Variants in CTIF observed in about 807,000 individuals in gnomAD.
CTIF encodes CBP80/20-dependent translation initiation factor.
A neutral mutation model predicts 66.0 loss-of-function variants in CTIF; 21 were observed. That is an observed-to-expected ratio of 0.32 (90% CI 0.23 to 0.46). CTIF has a LOEUF of 0.46. Ranked by LOEUF, CTIF falls within the 20% of genes least tolerant of loss-of-function variation. CTIF has a pLI of 1.00. For synonymous variants in CTIF, 345 were observed against 326.4 expected (o/e 1.06, Z -0.62); for missense variants, 739 against 812.7 (o/e 0.91, Z 1.10).
intron 6 of CTIF, among the ~76,000 whole-genome samples, chr18:48,687,985 G>C (rs1339497668): frequency 2.0e-5 from 3 of 152,206 alleles, no homozygotes; most frequent in Non-Finnish European, 4.4e-5. Context: ...CCTGAAAACC[G>C]CTTGTGTAGA....
rs939516022 is a variant in CTIF at position 48,553,967 on chromosome 18, G to A, written c.-29+14655G>A. Among the ~76,000 whole-genome samples the A allele has an allele frequency of 5.9e-5, 9 of 152,066 alleles. No homozygotes were observed. The East Asian group carries it at 1.7e-3, about 29-fold the overall frequency. ...TGAGCCACAAAGTTCCTGATTCTCT[G>A]CGGCCCACTCATGACCTCAGAGCTC... On this transcript the variant is annotated intron_variant, in intron 1 of 11. Transcript: ENST00000256413.
chr18:48,616,161 G>A (rs540167999), intron 1 of CTIF, among the ~76,000 whole-genome samples: 8 of 152,316 alleles, frequency 5.3e-5, no homozygotes, highest in African/African-American at 1.9e-4. Context: ...CCGGTTCTCC[G>A]ACTGCACCTG....
intron 6 of CTIF, among the ~76,000 whole-genome samples, chr18:48,706,135 G>A (rs577227653): frequency 5.5e-4 from 83 of 152,040 alleles, no homozygotes; most frequent in Admixed American, 1.9e-3. Flanking sequence ...CCCTCCACCC[G>A]TCCCTCTCTC....
In CTIF at chr18:48,717,752, G is replaced by A. The variant is rs543353210; in HGVS notation, c.584+6057G>A. On this transcript the variant is annotated intron_variant, in intron 7 of 11. Transcript: ENST00000256413. ...CCTTCAAAATTTTTTTTAGCAACAG[G>A]GTCTTGCTCTGTCACCCAGGCTGGA... 1.4e-3 allele frequency among the ~76,000 whole-genome samples: 210 copies of A among 152,078 alleles called. 1 individual carries two copies. The highest frequency in any genetic ancestry group is 2.3e-3 in the Non-Finnish European group (158 of 67,986).
intron 6 of CTIF, among the ~76,000 whole-genome samples, chr18:48,674,536 A>T (rs2091593875): frequency 6.6e-6 from 1 of 152,222 alleles, no homozygotes; most frequent in Admixed American, 6.5e-5. Context: ...TCAGATGCTG[A>T]CACCTAGGCG....
In CTIF at chr18:48,759,781, G is replaced by A. The variant is rs185461707; in HGVS notation, c.1071+1376G>A. On this transcript the variant is annotated intron_variant, in intron 8 of 11. Transcript: ENST00000256413. The stretch of plus-strand genomic sequence containing the variant: ...TTCCTGCCCTGGGGCCCAGATGGTC[G>A]GAAGAGAGGGGTACATGGGGGAATG... Among the ~76,000 whole-genome samples the A allele has an allele frequency of 3.3e-4, 50 of 152,334 alleles. No homozygotes were observed. The East Asian group carries it at 6.4e-3, about 19-fold the overall frequency.
At chr18:48,555,111 G>T (rs962197894) in intron 1 of CTIF, among the ~76,000 whole-genome samples, 1 of 152,210 alleles carries the variant, frequency 6.6e-6, no homozygotes, top group African/African-American at 2.4e-5. Context: ...CTCCTAAAAT[G>T]GGGACACGGA....
rs180803106 is a variant in CTIF at position 48,652,644 on chromosome 18, T to G, written c.253-11108T>G. ...AACTCATTTTATAAGGCCAGCATTA[T>G]CCTGATACCAAAGCCCGGCAGAGAC... On this transcript the variant is annotated intron_variant, in intron 3 of 11. Coordinates refer to ENST00000256413, the MANE Select transcript of CTIF (RefSeq NM_014772.3). 7.2e-4 allele frequency among the ~76,000 whole-genome samples: 110 copies of G among 152,268 alleles called. 1 individual carries two copies. The highest frequency in any genetic ancestry group is 2.5e-3 in the African/African-American group (102 of 41,540).
At chr18:48,784,510 C>A (rs1911535358) in intron 9 of CTIF, among the ~76,000 whole-genome samples, 1 of 152,110 alleles carries the variant, frequency 6.6e-6, no homozygotes, top group South Asian at 2.1e-4. Flanking sequence ...CCTTTGGTCT[C>A]TGGGGCACCA....
At chr18:48,617,721 A>G (rs1401794259) in intron 1 of CTIF, among the ~76,000 whole-genome samples, 1 of 151,908 alleles carries the variant, frequency 6.6e-6, no homozygotes, top group Non-Finnish European at 1.5e-5. Context: ...ATCCCAGCTG[A>G]CTCCCTGAGG....
chr18:48,859,444 T>G lies in CTIF; in HGVS notation c.1682T>G (p.Met561Arg). 1.2e-6 allele frequency: 2 copies of G among 1,614,194 alleles called. No individual in the cohort carries two copies. Among genetic ancestry groups the G allele is most frequent in the Non-Finnish European group, 1.7e-6 (2 of 1,180,040 alleles). ...RDKMLCPSES[M>R]LTRSLLLEVI... ...AAGATGCTGTGCCCCTCGGAGTCCA[T>G]GCTGACCCGGTCGCTGCTCCTAGAG... The change falls in exon 12 of 12, where the codon ATG (methionine) becomes AGG (arginine). Residue 561 changes from methionine to arginine, a missense_variant. By Grantham distance (91) the Met-to-Arg change is moderately conservative. Coordinates refer to ENST00000256413, the MANE Select transcript of CTIF (RefSeq NM_014772.3).
chr18:48,859,656 G>C lies in CTIF; in HGVS notation c.*97G>C, dbSNP rs1329431743. Reference sequence around the variant, plus strand: ...GAGGACAGGGGTGGCCCTGGCGGGAGAAAGAAATGGGGAGGAGGGCAGGCA... The same window carrying C: ...GAGGACAGGGGTGGCCCTGGCGGGACAAAGAAATGGGGAGGAGGGCAGGCA... On this transcript the variant is annotated 3_prime_UTR_variant, in exon 12 of 12. Transcript: ENST00000256413. The C allele has an allele frequency of 8.7e-7, 1 of 1,155,284 alleles. No homozygotes were observed. Among genetic ancestry groups the C allele is most frequent in the East Asian group, 2.4e-5 (1 of 41,290 alleles). 71.6% of individuals were successfully genotyped at this position (1,155,284 alleles called of 1,614,324 possible). A position where few individuals can be genotyped will look rare whatever the true frequency, so the allele number is the denominator to read the frequency against.
intron 9 of CTIF, among the ~76,000 whole-genome samples, chr18:48,798,946 T>C (rs1418955238): frequency 6.6e-6 from 1 of 151,996 alleles, no homozygotes; most frequent in African/African-American, 2.4e-5. Flanking sequence ...AAAATGTCAG[T>C]AGTGCCAAGA....
At position 48,591,204 on chromosome 18, in the gene CTIF, C is replaced by T. The variant is rs149449618; in HGVS notation, c.-28-28334C>T. ...GCTCAGATCTACTCAGGAGGCAGTC[C>T]GATGGCCTCACTCATTATAATTACC... On this transcript the variant is annotated intron_variant, in intron 1 of 11. Transcript: ENST00000256413. Among the ~76,000 whole-genome samples the T allele has an allele frequency of 1.1e-3, 172 of 152,286 alleles. 2 individuals carry two copies. In the East Asian group the frequency reaches 0.029, roughly 26 times the overall value.
At chr18:48,675,040 G>C (rs1020603470) in intron 6 of CTIF, among the ~76,000 whole-genome samples, 20 of 151,490 alleles carry the variant, frequency 1.3e-4, no homozygotes, top group Non-Finnish European at 2.5e-4. Context: ...TGATGGGGTG[G>C]TGGGGGGTCG....
intron 7 of CTIF, among the ~76,000 whole-genome samples, chr18:48,753,820 C>G (rs2145835674): frequency 6.6e-6 from 1 of 152,312 alleles, no homozygotes; most frequent in East Asian, 1.9e-4. Flanking sequence ...GTGTCTGAGA[C>G]CAAGTGCAGC....
intron 7 of CTIF, among the ~76,000 whole-genome samples, chr18:48,745,174 A>G (rs1029368336): frequency 2.0e-5 from 3 of 152,160 alleles, no homozygotes; most frequent in African/African-American, 7.2e-5. Context: ...CCTTTTTTTA[A>G]AGAGTGACCA....
At chr18:48,589,515 C>T (rs994529061) in intron 1 of CTIF, among the ~76,000 whole-genome samples, 5 of 152,220 alleles carry the variant, frequency 3.3e-5, no homozygotes, top group African/African-American at 1.2e-4. Context: ...CCAAATAAGG[C>T]CACATTCACA....
rs566664369 is a variant in CTIF at position 48,860,044 on chromosome 18, C to A, written c.*485C>A. 26 of 429,646 alleles carry A rather than the reference C, an allele frequency of 6.1e-5. 1 individual carries two copies. In the Admixed American group the frequency reaches 6.3e-4, roughly 10 times the overall value. 26.6% of individuals were successfully genotyped at this position (429,646 alleles called of 1,614,324 possible). A position where few individuals can be genotyped will look rare whatever the true frequency, so the allele number is the denominator to read the frequency against. On this transcript the variant is annotated 3_prime_UTR_variant, in exon 12 of 12. Transcript: ENST00000256413. Reference sequence around the variant, plus strand: ...GCCGCAGTCGCCAACTGGCAGCAGGCGACGTGTAGCAGATGTCCGGGAGGA... The same window carrying A: ...GCCGCAGTCGCCAACTGGCAGCAGGAGACGTGTAGCAGATGTCCGGGAGGA...
Sources: gnomAD v4.1 joint callset for allele counts (sites outside exome capture counted in the v4.1 genomes callset) on GRCh38, gnomAD v4.1.1 for gene constraint, MANE v1.5 for transcripts, NCBI Gene and HGNC (gene_info 2026-07-23, HGNC 2026-07-21) for gene names.